SMAP1: variants seen among roughly 807,000 people sequenced by gnomAD.
The protein encoded by SMAP1 is stromal membrane-associated protein 1.
In SMAP1, 24 loss-of-function variants were observed where a neutral mutation model predicts 58.5. The ratio of observed to expected loss-of-function variants is 0.41; its 90% CI spans 0.30 to 0.58. The LOEUF (loss-of-function observed/expected upper bound fraction) is 0.58. Ranked by LOEUF, SMAP1 falls within the 20% of genes least tolerant of loss-of-function variation. The probability of loss-of-function intolerance (pLI) is 0.29; values close to 1 mark genes in which losing one functional copy is unlikely to be tolerated. For missense variants in SMAP1, 563 were observed against 566.3 expected, an observed-to-expected ratio of 0.99 and a Z score of 0.06; for synonymous variants, 216 against 196.6, an observed-to-expected ratio of 1.10 and a Z score of -0.82.
At chr6:70,816,533 T>A (rs1769635960) in intron 6 of SMAP1, among the ~76,000 whole-genome samples, 1 of 152,216 alleles carries the variant, frequency 6.6e-6, no homozygotes, top group South Asian at 2.1e-4. Context: ...AATACTTTTT[T>A]ACTTTGCTTT....
intron 2 of SMAP1, among the ~76,000 whole-genome samples, chr6:70,745,016 G>C (rs555579931): frequency 6.6e-6 from 1 of 152,080 alleles, no homozygotes; most frequent in Admixed American, 6.6e-5. Flanking sequence ...TTTTTGATGG[G>C]GTTGTTTGTT....
At chr6:70,685,714 T>TA (rs1180293188) in intron 1 of SMAP1, among the ~76,000 whole-genome samples, 3 of 152,150 alleles carry the variant, frequency 2.0e-5, no homozygotes, top group Admixed American at 2.0e-4. Context: ...ATTTGGGAGT[T>TA]ATCGGCATAG....
At chr6:70,735,682 T>C (rs1050591108) in intron 2 of SMAP1, among the ~76,000 whole-genome samples, 1 of 152,128 alleles carries the variant, frequency 6.6e-6, no homozygotes, top group Admixed American at 6.5e-5. Flanking sequence ...GGTGGGAGAA[T>C]CACTTGAGCC....
Position 70,861,799 on chromosome 6 carries a change from C to A in SMAP1, c.*1465C>A. ...GTAGCGCACTCTTCATGGTGACACT[C>A]GAGGTCGGGCAGCACAAGTGTAATG... On this transcript the variant is annotated 3_prime_UTR_variant, in exon 11 of 11. Coordinates refer to ENST00000370455, the MANE Select transcript of SMAP1 (RefSeq NM_001044305.3). 6.2e-7 allele frequency: 1 copy of A among 1,613,966 alleles called. No homozygotes were observed. Among genetic ancestry groups the A allele is most frequent in the African/African-American group, 1.3e-5 (1 of 75,006 alleles).
At position 70,861,743 on chromosome 6, in the gene SMAP1, C is replaced by T. The variant is rs201452528; in HGVS notation, c.*1409C>T. ...ACCTTCTCTGTCCGAGTGTGCCACA[C>T]GAGAACCTGAAGGGGAAGGAAATAG... On this transcript the variant is annotated 3_prime_UTR_variant, in exon 11 of 11. Transcript: ENST00000370455. 14 of 1,614,048 alleles carry T rather than the reference C, an allele frequency of 8.7e-6. No individual in the cohort carries two copies. The highest frequency in any genetic ancestry group is 6.7e-5 in the East Asian group (3 of 44,870).
At chr6:70,713,814 C>T (rs6938317) in intron 1 of SMAP1, among the ~76,000 whole-genome samples, 1,659 of 152,094 alleles carry the variant, frequency 0.011, 20 homozygotes, top group Middle Eastern at 0.027. Context: ...GTCTGGATGT[C>T]CTATCTATTG....
intron 6 of SMAP1, among the ~76,000 whole-genome samples, chr6:70,831,097 A>T (rs1431395360): frequency 6.6e-6 from 1 of 152,166 alleles, no homozygotes; most frequent in Non-Finnish European, 1.5e-5. Flanking sequence ...AAAGAGAATT[A>T]TCATTTCAAC....
intron 4 of SMAP1, among the ~76,000 whole-genome samples, chr6:70,790,855 A>G (rs1462366740): frequency 2.0e-5 from 3 of 152,196 alleles, no homozygotes; most frequent in Admixed American, 1.3e-4. Context: ...TTATGGCCCC[A>G]AAGATCTGTG....
At chr6:70,752,385 A>G (rs1390675626) in intron 2 of SMAP1, among the ~76,000 whole-genome samples, 3 of 152,198 alleles carry the variant, frequency 2.0e-5, no homozygotes, top group East Asian at 1.9e-4. Context: ...ATGGAGACTG[A>G]TAGAATCTTA....
intron 1 of SMAP1, among the ~76,000 whole-genome samples, chr6:70,677,330 C>T (rs180998917): frequency 5.3e-5 from 8 of 150,316 alleles, no homozygotes; most frequent in Admixed American, 4.0e-4. Flanking sequence ...CTCTGACTTG[C>T]TTAGTGACCA....
intron 6 of SMAP1, among the ~76,000 whole-genome samples, chr6:70,810,965 G>A (rs1769362474): frequency 6.6e-6 from 1 of 151,982 alleles, no homozygotes; most frequent in African/African-American, 2.4e-5. Context: ...TCTCTCTTTG[G>A]GATAATGAAA....
chr6:70,719,301 T>C lies in SMAP1; in HGVS notation c.119-13077T>C, dbSNP rs1768412782. 5.3e-5 allele frequency among the ~76,000 whole-genome samples: 8 copies of C among 152,226 alleles called. No homozygotes were observed. In the South Asian group the frequency reaches 1.4e-3, roughly 28 times the overall value. On this transcript the variant is annotated intron_variant, in intron 1 of 10. Transcript: ENST00000370455. ...TCATAGTGTGGATACAGGGATACTT[T>C]TTTAAAAAATTCTTTTTATTATTAT...
chr6:70,849,090 G>C (rs538565257), intron 7 of SMAP1, among the ~76,000 whole-genome samples: 3 of 152,304 alleles, frequency 2.0e-5, no homozygotes, highest in Admixed American at 1.3e-4. Context: ...TGAGAGCAGA[G>C]AGCAATCACC....
At position 70,718,584 on chromosome 6, in the gene SMAP1, G is replaced by A. The variant is rs531850243; in HGVS notation, c.119-13794G>A. On this transcript the variant is annotated intron_variant, in intron 1 of 10. Coordinates refer to ENST00000370455, the MANE Select transcript of SMAP1 (RefSeq NM_001044305.3). ...TACCTATAATCCCAGCACTATGGGA[G>A]GCCAAGGCGGGTGAATCACAAGGTC... Among the ~76,000 whole-genome samples, 16 of 152,226 alleles carry A rather than the reference G, an allele frequency of 1.1e-4. No homozygotes were observed. In the East Asian group the frequency reaches 3.1e-3, roughly 29 times the overall value.
intron 1 of SMAP1, among the ~76,000 whole-genome samples, chr6:70,723,080 G>A (rs1768601913): frequency 6.6e-6 from 1 of 152,228 alleles, no homozygotes; most frequent in African/African-American, 2.4e-5. Flanking sequence ...TTATAGGGAT[G>A]TAAAAGTGGC....
At chr6:70,712,937 A>T (rs1768117869) in intron 1 of SMAP1, among the ~76,000 whole-genome samples, 1 of 151,090 alleles carries the variant, frequency 6.6e-6, no homozygotes, top group Non-Finnish European at 1.5e-5. Flanking sequence ...GATTACAGGC[A>T]TGTGCCACCA....
chr6:70,826,955 AAAAAAG>A (rs1562188652), intron 6 of SMAP1, among the ~76,000 whole-genome samples: 1 of 140,692 alleles, frequency 7.1e-6, no homozygotes. Context: ...AAAAAAAAAA[AAAAAAG>A]AAAAAGAAAA....
At chr6:70,813,672 C>T (rs2149972981) in intron 6 of SMAP1, among the ~76,000 whole-genome samples, 1 of 152,044 alleles carries the variant, frequency 6.6e-6, no homozygotes. Flanking sequence ...TTGTAGTGTT[C>T]TAGATGTGTT....
chr6:70,851,755 G>C (rs1771193140), intron 7 of SMAP1, among the ~76,000 whole-genome samples: 3 of 152,138 alleles, frequency 2.0e-5, no homozygotes, highest in African/African-American at 4.8e-5. Flanking sequence ...TGAAATTACA[G>C]TTTTAAAAAC....
Sources: allele counts gnomAD v4.1 joint callset (sites outside exome capture counted in the v4.1 genomes callset), GRCh38; gene constraint gnomAD v4.1.1; transcripts MANE v1.5; gene names NCBI Gene and HGNC (gene_info 2026-07-23, HGNC 2026-07-21).